The following CELF2 variants were observed in gnomAD, a reference collection of about 807,000 sequenced individuals.
The protein encoded by CELF2 is CUG triplet repeat RNA-binding protein 2.
Under a neutral mutation model 62.6 loss-of-function variants are expected in CELF2, and 8 were observed. The observed-to-expected ratio is 0.13, with a 90% CI of 0.07 to 0.23. The LOEUF (loss-of-function observed/expected upper bound fraction) is 0.23. CELF2 is among the 10% of genes least tolerant of loss of function. CELF2 has a pLI of 1.00. For synonymous variants in CELF2, 258 were observed against 250.0 expected, an observed-to-expected ratio of 1.03 and a Z score of -0.30; for missense variants, 333 against 671.0, an observed-to-expected ratio of 0.50 and a Z score of 5.56.
chr10:11,158,142 A>G (rs2064931818), intron 1 of CELF2, among the ~76,000 whole-genome samples: 1 of 152,186 alleles, frequency 6.6e-6, no homozygotes, highest in Non-Finnish European at 1.5e-5. Flanking sequence ...GTCTCCTGTC[A>G]ATCATCCAAA....
intron 1 of CELF2, among the ~76,000 whole-genome samples, chr10:11,034,816 C>G (rs1473464700): frequency 6.6e-6 from 1 of 152,122 alleles, no homozygotes; most frequent in African/African-American, 2.4e-5. Context: ...TGTAGCAGAG[C>G]TCTGTAATTT....
chr10:11,187,807 T>C (rs957583721), intron 2 of CELF2, among the ~76,000 whole-genome samples: 14 of 152,336 alleles, frequency 9.2e-5, no homozygotes, highest in Non-Finnish European at 1.3e-4. Context: ...ATTTTGCTTT[T>C]ACATGTTAAA....
At chr10:11,276,556 C>G (rs2086199352) in intron 8 of CELF2, among the ~76,000 whole-genome samples, 1 of 152,142 alleles carries the variant, frequency 6.6e-6, no homozygotes, top group South Asian at 2.1e-4. Flanking sequence ...AAGAGAAAAC[C>G]TCCTGATTGC....
chr10:11,113,703 A>G (rs1046087478), intron 1 of CELF2, among the ~76,000 whole-genome samples: 3 of 152,204 alleles, frequency 2.0e-5, no homozygotes, highest in Admixed American at 6.5e-5. Flanking sequence ...CCCTTATTAA[A>G]TACGACAGTC....
intron 1 of CELF2, among the ~76,000 whole-genome samples, chr10:11,067,828 C>A (rs1230626641): frequency 6.6e-6 from 1 of 152,132 alleles, no homozygotes; most frequent in Non-Finnish European, 1.5e-5. Flanking sequence ...AGTTATTTAA[C>A]CTTCTAAATC....
chr10:10,654,878 G>A, the CELF2 span, among the ~76,000 whole-genome samples: 2 of 150,128 alleles, frequency 1.3e-5, no homozygotes, highest in African/African-American at 2.5e-5. Flanking sequence ...GGGAAATCGG[G>A]CAGGAGAAGG....
the CELF2 span, among the ~76,000 whole-genome samples, chr10:10,751,462 G>T: frequency 6.6e-6 from 1 of 152,168 alleles, no homozygotes; most frequent in Non-Finnish European, 1.5e-5. Flanking sequence ...TCCTTAAGGG[G>T]CAAAATAGAC....
chr10:10,639,414 T>C, the CELF2 span, among the ~76,000 whole-genome samples: 1 of 152,248 alleles, frequency 6.6e-6, no homozygotes. Flanking sequence ...AAAATGTTTC[T>C]ATCTTTTAAA....
In CELF2 at chr10:11,057,652, T is replaced by C. The variant is rs182734623; in HGVS notation, c.74+39489T>C. ...TGACGTAGTATGTTTTCTCTTTTTT[T>C]CCCCCCGATGAAGTACTTGAAGCTG... On this transcript the variant is annotated intron_variant, in intron 1 of 12. Coordinates refer to ENST00000633077, the MANE Select transcript of CELF2 (RefSeq NM_001326342.2). Among the ~76,000 whole-genome samples, 648 of 152,204 alleles carry C rather than the reference T, an allele frequency of 4.3e-3. 5 individuals are homozygous for C. The highest frequency in any genetic ancestry group is 0.015 in the African/African-American group (631 of 41,534).
Position 10,817,051 on chromosome 10 carries a change from C to G in CELF2, c.53+18234C>G, listed in dbSNP as rs1046819303. ...TGAGCCTGGAAGTTTCCAGATGGTA[C>G]AGAACCAACATGGCGGGCAGTGGAC... On this transcript the variant is annotated intron_variant, in intron 1 of 13. Coordinates refer to the CELF2 transcript ENST00000636488. Among the ~76,000 whole-genome samples, 5 of 152,132 alleles carry G rather than the reference C, an allele frequency of 3.3e-5. No homozygotes were observed. In the East Asian group the frequency reaches 9.6e-4, roughly 29 times the overall value.
intron 2 of CELF2, among the ~76,000 whole-genome samples, chr10:10,933,198 G>A (rs968080950): frequency 1.2e-4 from 18 of 151,916 alleles, no homozygotes; most frequent in African/African-American, 4.1e-4. Context: ...AGTGACTCAG[G>A]AGGCTGAGGT....
the CELF2 span, among the ~76,000 whole-genome samples, chr10:10,615,614 C>T: frequency 2.6e-5 from 4 of 152,172 alleles, no homozygotes; most frequent in South Asian, 2.1e-4. Context: ...GATTGGACCA[C>T]GGGGGCAGAT....
At chr10:10,578,780 T>G in the CELF2 span, among the ~76,000 whole-genome samples, 12 of 152,276 alleles carry the variant, frequency 7.9e-5, no homozygotes, top group Non-Finnish European at 1.6e-4. Context: ...CTTCCATGGG[T>G]CCACACCCTC....
intron 2 of CELF2, among the ~76,000 whole-genome samples, chr10:10,976,303 T>C (rs1488455205): frequency 6.6e-6 from 1 of 152,206 alleles, no homozygotes; most frequent in Non-Finnish European, 1.5e-5. Context: ...TCAATGACAT[T>C]GCCAAAGTTA....
chr10:10,570,877 G>T, the CELF2 span, among the ~76,000 whole-genome samples: 2 of 152,054 alleles, frequency 1.3e-5, no homozygotes, highest in African/African-American at 4.8e-5. Flanking sequence ...GTGAAGACAT[G>T]TTTCTGAGAT....
At chr10:10,933,474 A>G (rs1000930917) in intron 2 of CELF2, among the ~76,000 whole-genome samples, 3 of 152,198 alleles carry the variant, frequency 2.0e-5, no homozygotes, top group Non-Finnish European at 4.4e-5. Flanking sequence ...TTTGAAATAT[A>G]TAACATTTTA....
At chr10:11,212,499 C>G (rs747967293) in intron 2 of CELF2, among the ~76,000 whole-genome samples, 1 of 152,202 alleles carries the variant, frequency 6.6e-6, no homozygotes, top group South Asian at 2.1e-4. Context: ...GTGTATTTCC[C>G]CTCTAAGTTA....
intron 1 of CELF2, among the ~76,000 whole-genome samples, chr10:11,061,814 A>G (rs2066801836): frequency 6.6e-6 from 1 of 152,146 alleles, no homozygotes; most frequent in Non-Finnish European, 1.5e-5. Flanking sequence ...TGAATTTTTT[A>G]TTTGTTTGTT....
intron 1 of CELF2, among the ~76,000 whole-genome samples, chr10:11,119,388 C>T (rs1227517359): frequency 6.6e-6 from 1 of 152,094 alleles, no homozygotes; most frequent in Admixed American, 6.6e-5. Context: ...CTGGGGAGTG[C>T]CCTGGGATTC....
Sources: gnomAD v4.1 joint callset for allele counts (sites outside exome capture counted in the v4.1 genomes callset) on GRCh38, gnomAD v4.1.1 for gene constraint, MANE v1.5 for transcripts, NCBI Gene and HGNC (gene_info 2026-07-23, HGNC 2026-07-21) for gene names.